Variants in POMT2 observed in about 807,000 individuals in gnomAD.
POMT2 encodes protein O-mannosyl-transferase 2.
POMT2 carries 75 observed loss-of-function variants against 100.0 expected under a neutral mutation model. The observed-to-expected ratio is 0.75, with a 90% CI of 0.62 to 0.91. The LOEUF (loss-of-function observed/expected upper bound fraction) is 0.91, where lower values mean the gene tolerates loss of function less well. POMT2 is among the 40% of genes least tolerant of loss of function. The pLI, the probability that POMT2 is intolerant of heterozygous loss-of-function variation, is 0.00. For synonymous variants in POMT2, 378 were observed against 374.1 expected, an observed-to-expected ratio of 1.01 and a Z score of -0.12; for missense variants, 940 against 955.1, an observed-to-expected ratio of 0.98 and a Z score of 0.21.
chr14:77,300,841 A>C, intron 6 of POMT2: 1 of 497,016 alleles, frequency 2.0e-6, no homozygotes, highest in Non-Finnish European at 3.5e-6. Context: ...AAAGACAGAC[A>C]TTATAAAACA....
chr14:77,320,761 G>T lies in POMT2; in HGVS notation c.-80C>A. 6.5e-7 allele frequency: 1 copy of T among 1,530,026 alleles called. No homozygotes were observed. The highest frequency in any genetic ancestry group is 8.7e-7 in the Non-Finnish European group (1 of 1,148,436). 94.8% of individuals were successfully genotyped at this position (1,530,026 alleles called of 1,614,324 possible). Reference sequence around the variant, plus strand: ...CCGCCCCGCCAAGGAGTCACAAGAGGGCAGCTCGGGGTACCCCGGGAAATG... The same window carrying T: ...CCGCCCCGCCAAGGAGTCACAAGAGTGCAGCTCGGGGTACCCCGGGAAATG... On this transcript the variant is annotated 5_prime_UTR_variant, in exon 1 of 21. Transcript: ENST00000261534.
At chr14:77,310,235 G>A (rs1891389927) in intron 2 of POMT2, among the ~76,000 whole-genome samples, 1 of 152,182 alleles carries the variant, frequency 6.6e-6, no homozygotes. Context: ...AGGCACTGTG[G>A]TGTCATGATT....
chr14:77,311,676 T>C (rs1891438925), intron 2 of POMT2, among the ~76,000 whole-genome samples: 1 of 152,234 alleles, frequency 6.6e-6, no homozygotes, highest in Non-Finnish European at 1.5e-5. Flanking sequence ...CCTCATCCCT[T>C]TTTATGACCA....
Position 77,280,473 on chromosome 14 carries a change from G to A in POMT2, c.1654-10C>T, listed in dbSNP as rs754208063. On this transcript the variant is annotated splice_polypyrimidine_tract_variant and intron_variant, in intron 15 of 20. Coordinates refer to ENST00000261534, the MANE Select transcript of POMT2 (RefSeq NM_013382.7). The stretch of plus-strand genomic sequence containing the variant: ...TGAGGCCACTGTTCCCCTGCATGAA[G>A]GTAGCAAAGAAAGCTAGTCAAGACA... The A allele has an allele frequency of 1.9e-5, 30 of 1,614,072 alleles. No individual in the cohort carries two copies. In the East Asian group the frequency reaches 6.2e-4, roughly 34 times the overall value.
intron 5 of POMT2, among the ~76,000 whole-genome samples, chr14:77,302,574 A>G (rs2139485518): frequency 6.6e-6 from 1 of 152,344 alleles, no homozygotes; most frequent in Admixed American, 6.5e-5. Flanking sequence ...CATGATAATA[A>G]TAATACGCTT....
chr14:77,294,573 C>G (rs1382032193), intron 9 of POMT2, among the ~76,000 whole-genome samples: 1 of 152,204 alleles, frequency 6.6e-6, no homozygotes, highest in African/African-American at 2.4e-5. Context: ...ATCCGCCCAC[C>G]TCGGCATAAG....
At chr14:77,292,577 G>A (rs1890677442) in intron 9 of POMT2, among the ~76,000 whole-genome samples, 2 of 152,176 alleles carry the variant, frequency 1.3e-5, no homozygotes, top group Admixed American at 1.3e-4. Context: ...TAGACAAGTA[G>A]AGAACTCTCA....
chr14:77,278,691 C>T (rs1045659988), intron 19 of POMT2, 38 bp downstream of exon 19: 3 of 1,613,046 alleles, frequency 1.9e-6, no homozygotes, highest in African/African-American at 2.7e-5. Flanking sequence ...CCGCCCTCCA[C>T]CTGCTCTGTC....
intron 1 of POMT2, chr14:77,319,502 G>A (rs1356962548): frequency 6.6e-6 from 1 of 152,162 alleles, no homozygotes; most frequent in Non-Finnish European, 1.5e-5. Flanking sequence ...CATCTCACCT[G>A]GGCCATTTCT....
intron 1 of POMT2, among the ~76,000 whole-genome samples, chr14:77,316,015 AAAAC>A (rs1265306979): frequency 9.9e-5 from 15 of 152,238 alleles, no homozygotes; most frequent in African/African-American, 3.4e-4. Flanking sequence ...TCAAAAAACA[AAAAC>A]AAACAAACAA....
rs1890321110 is a variant in POMT2 at position 77,283,880 on chromosome 14, G to A, written c.1577-7C>T. Reference sequence around the variant, plus strand: ...TCCAGGCTGATGTTTGGCACTAGGGGAAAAAAATGCAGGAGAAAAGCCTTT... The same window carrying A: ...TCCAGGCTGATGTTTGGCACTAGGGAAAAAAAATGCAGGAGAAAAGCCTTT... On this transcript the variant is annotated splice_polypyrimidine_tract_variant and splice_region_variant and intron_variant, in intron 14 of 20. Transcript: ENST00000261534. 1.3e-5 allele frequency: 21 copies of A among 1,604,888 alleles called. No individual in the cohort carries two copies. The highest frequency in any genetic ancestry group is 1.6e-5 in the Non-Finnish European group (19 of 1,171,782).
rs1889922653 is a variant in POMT2 at position 77,275,822 on chromosome 14, T to C, written c.*1554A>G. 2 of 152,482 alleles carry C rather than the reference T, an allele frequency of 1.3e-5. No homozygotes were observed. Among genetic ancestry groups the C allele is most frequent in the Admixed American group, 1.3e-4 (2 of 15,288 alleles). 9.4% of individuals were successfully genotyped at this position (152,482 alleles called of 1,614,324 possible). On this transcript the variant is annotated 3_prime_UTR_variant, in exon 21 of 21. Coordinates refer to ENST00000261534, the MANE Select transcript of POMT2 (RefSeq NM_013382.7). Reference sequence around the variant, plus strand: ...GATCTAATTAACCAACCTGCCTTGCTTTTGACGTTGCTGCATTTCCTCTAT... The same window carrying C: ...GATCTAATTAACCAACCTGCCTTGCCTTTGACGTTGCTGCATTTCCTCTAT...
At position 77,305,190 on chromosome 14, in the gene POMT2, T is replaced by C. The variant is rs1216680471; in HGVS notation, c.439-390A>G. Among the ~76,000 whole-genome samples, 7 of 152,316 alleles carry C rather than the reference T, an allele frequency of 4.6e-5. No homozygotes were observed. In the East Asian group the frequency reaches 9.6e-4, roughly 21 times the overall value. Reference sequence around the variant, plus strand: ...TCTATTACACAACTGTAGGTACAAGTTGAGAAAGACCCCTCTGAAGGTATT... The same window carrying C: ...TCTATTACACAACTGTAGGTACAAGCTGAGAAAGACCCCTCTGAAGGTATT... On this transcript the variant is annotated intron_variant, in intron 3 of 20. Transcript: ENST00000261534.
rs45518539 is a variant in POMT2 at position 77,275,860 on chromosome 14, T to C, written c.*1516A>G. ...GCATTTCCTCTATTAACATTAATGA[T>C]GGTTGGTCTGAATGCCCAAGCATGG... On this transcript the variant is annotated 3_prime_UTR_variant, in exon 21 of 21. Coordinates refer to ENST00000261534, the MANE Select transcript of POMT2 (RefSeq NM_013382.7). 0.14 allele frequency: 21,334 copies of C among 152,540 alleles called. 3,416 individuals are homozygous for C. Among genetic ancestry groups the C allele is most frequent in the African/African-American group, 0.4 (16,550 of 41,456 alleles). 9.4% of individuals were successfully genotyped at this position (152,540 alleles called of 1,614,324 possible). A position where few individuals can be genotyped will look rare whatever the true frequency, so the allele number is the denominator to read the frequency against.
In POMT2 at chr14:77,276,937, C is replaced by T. The variant is rs1889982674; in HGVS notation, c.*439G>A. On this transcript the variant is annotated 3_prime_UTR_variant, in exon 21 of 21. Transcript: ENST00000261534. ...GTCTGAGAATTTTTGATGGATCTTA[C>T]AAACCAAAACCAAAGAAATCCAACA... 5.4e-6 allele frequency: 1 copy of T among 183,576 alleles called. No homozygotes were observed. The highest frequency in any genetic ancestry group is 1.2e-5 in the Non-Finnish European group (1 of 85,186). The allele number at this position is 183,576 out of a possible 1,614,324, so 11.4% of individuals were successfully genotyped here.
intron 11 of POMT2, 124 bp from the exon 12 acceptor site, chr14:77,286,946 A>C: frequency 1.3e-6 from 2 of 1,529,950 alleles, no homozygotes; most frequent in Non-Finnish European, 1.8e-6. Flanking sequence ...GAACTATTAA[A>C]TCCAACATAT....
intron 20 of POMT2, among the ~76,000 whole-genome samples, chr14:77,277,853 T>C (rs968700854): frequency 1.3e-5 from 2 of 152,110 alleles, no homozygotes; most frequent in African/African-American, 2.4e-5. Context: ...GCGGGGAGCC[T>C]TCCAAACAAC....
chr14:77,320,146 T>C (rs1415981413), intron 1 of POMT2, among the ~76,000 whole-genome samples: 1 of 152,126 alleles, frequency 6.6e-6, no homozygotes, highest in Non-Finnish European at 1.5e-5. Context: ...TGAAAGCACC[T>C]TTAAAAGCCA....
chr14:77,292,474 A>C (rs1272985393), intron 9 of POMT2, among the ~76,000 whole-genome samples: 1 of 152,222 alleles, frequency 6.6e-6, no homozygotes, highest in East Asian at 1.9e-4. Flanking sequence ...AAGGTCACAC[A>C]GCTTATGCGT....
Sources: gnomAD v4.1 joint callset for allele counts (sites outside exome capture counted in the v4.1 genomes callset) on GRCh38, gnomAD v4.1.1 for gene constraint, MANE v1.5 for transcripts, NCBI Gene and HGNC (gene_info 2026-07-23, HGNC 2026-07-21) for gene names.